Variants in WDR70 observed in about 807,000 individuals in gnomAD.
WDR70 encodes the protein WD repeat-containing protein 70.
Under a neutral mutation model 88.6 loss-of-function variants are expected in WDR70, and 53 were observed. That is an observed-to-expected ratio of 0.60 (90% confidence interval 0.48 to 0.75). WDR70 has a LOEUF of 0.75. WDR70 is among the 30% of genes least tolerant of loss of function. The pLI is 0.00. For synonymous variants in WDR70, 280 were observed against 270.0 expected (o/e 1.04, Z -0.36); for missense variants, 610 against 823.2 (o/e 0.74, Z 3.17).
chr5:37,689,394 C>T (rs542627392), intron 10 of WDR70, among the ~76,000 whole-genome samples: 2 of 152,342 alleles, frequency 1.3e-5, no homozygotes, highest in African/African-American at 4.8e-5. Flanking sequence ...AAGTTGGTTC[C>T]TAACCCCTGT....
intron 5 of WDR70, among the ~76,000 whole-genome samples, chr5:37,418,711 A>G (rs2111984133): frequency 1.3e-5 from 2 of 151,866 alleles, no homozygotes; most frequent in Middle Eastern, 3.4e-3. Context: ...CTTTCTAAAA[A>G]CTTTTTTTCT....
Position 37,705,090 on chromosome 5 carries a change from G to A in WDR70, c.1416+2003G>A, listed in dbSNP as rs1747282974. On this transcript the variant is annotated intron_variant, in intron 13 of 17. Coordinates refer to ENST00000265107, the MANE Select transcript of WDR70 (RefSeq NM_018034.4). ...TAAAGCAGATTTTGGAAGAAAGACA[G>A]TGAATTCTGTTCTTGATATGTTGAG... 2.6e-5 allele frequency among the ~76,000 whole-genome samples: 4 copies of A among 152,306 alleles called. No individual in the cohort carries two copies. The South Asian group carries it at 6.2e-4, about 24-fold the overall frequency.
At chr5:37,733,676 G>A (rs1411917989) in intron 17 of WDR70, among the ~76,000 whole-genome samples, 2 of 16,620 alleles carry the variant, frequency 1.2e-4, no homozygotes, top group Non-Finnish European at 6.7e-4. Context: ...ATTCTTGCAG[G>A]TCTCCATGAC....
At chr5:37,476,017 T>G (rs1739470793) in intron 7 of WDR70, among the ~76,000 whole-genome samples, 1 of 151,888 alleles carries the variant, frequency 6.6e-6, no homozygotes, top group Non-Finnish European at 1.5e-5. Flanking sequence ...AGCTATGTTT[T>G]TTTTTGCATT....
chr5:37,456,127 A>T (rs1252291423), intron 7 of WDR70, among the ~76,000 whole-genome samples: 1 of 152,180 alleles, frequency 6.6e-6, no homozygotes, highest in Non-Finnish European at 1.5e-5. Flanking sequence ...CTAAGTGTGA[A>T]TTGCTTTGTC....
chr5:37,566,478 A>AT (rs975273582), intron 9 of WDR70, among the ~76,000 whole-genome samples: 2 of 151,864 alleles, frequency 1.3e-5, no homozygotes, highest in Non-Finnish European at 2.9e-5. Flanking sequence ...ACTTAATCGT[A>AT]TTTTTTCTTT....
chr5:37,650,660 G>A (rs1201078418), intron 10 of WDR70, among the ~76,000 whole-genome samples: 1 of 152,156 alleles, frequency 6.6e-6, no homozygotes, highest in Non-Finnish European at 1.5e-5. Flanking sequence ...TTGAGAGCAA[G>A]GTATGGAATA....
chr5:37,641,732 T>C (rs932065573), intron 10 of WDR70, among the ~76,000 whole-genome samples: 1 of 152,122 alleles, frequency 6.6e-6, no homozygotes, highest in African/African-American at 2.4e-5. Flanking sequence ...TGCTTTCTTA[T>C]ACTTAGATTT....
intron 9 of WDR70, among the ~76,000 whole-genome samples, chr5:37,559,154 G>A (rs1045082530): frequency 7.9e-5 from 12 of 151,984 alleles, no homozygotes; most frequent in African/African-American, 2.7e-4. Flanking sequence ...GGCTGGTCTC[G>A]AACTCCTGAC....
chr5:37,525,845 C>T (rs1741251034), intron 9 of WDR70, among the ~76,000 whole-genome samples: 2 of 152,190 alleles, frequency 1.3e-5, no homozygotes, highest in Non-Finnish European at 2.9e-5. Flanking sequence ...TCAGAGAATA[C>T]TATAAACACC....
At chr5:37,415,623 C>CA (rs1554137999) in intron 5 of WDR70, among the ~76,000 whole-genome samples, 2 of 149,288 alleles carry the variant, frequency 1.3e-5, no homozygotes, top group Admixed American at 1.3e-4. Flanking sequence ...TGACCCCCCC[C>CA]ACCTCCCTCC....
At chr5:37,411,666 T>A (rs1252736861) in intron 5 of WDR70, among the ~76,000 whole-genome samples, 2 of 151,984 alleles carry the variant, frequency 1.3e-5, no homozygotes, top group African/African-American at 4.8e-5. Flanking sequence ...GTGGAGGTTG[T>A]AGTGAGCTGA....
intron 9 of WDR70, among the ~76,000 whole-genome samples, chr5:37,566,071 T>G (rs1035775496): frequency 6.6e-5 from 10 of 152,132 alleles, no homozygotes; most frequent in African/African-American, 2.4e-4. Context: ...TAGAATAGTT[T>G]CATCTCTCCA....
intron 13 of WDR70, among the ~76,000 whole-genome samples, chr5:37,707,854 C>T (rs1376477773): frequency 2.2e-5 from 3 of 138,956 alleles, no homozygotes; most frequent in East Asian, 2.4e-4. Context: ...GCAGAGGTTG[C>T]GGTGAGCTGA....
At chr5:37,476,900 G>A (rs140471770) in intron 7 of WDR70, among the ~76,000 whole-genome samples, 2 of 152,286 alleles carry the variant, frequency 1.3e-5, no homozygotes, top group African/African-American at 2.4e-5. Context: ...GTAGTGACGC[G>A]ATCATAGCTC....
In WDR70 at chr5:37,396,420, T is replaced by C; in HGVS notation, c.342T>C (p.Asp114=). The C allele has an allele frequency of 1.2e-6, 2 of 1,613,816 alleles. No individual in the cohort carries two copies. The highest frequency in any genetic ancestry group is 2.2e-5 in the East Asian group (1 of 44,864). The change falls in exon 5 of 18, where the codon GAT becomes GAC. Residue 114 remains aspartate (D), a synonymous_variant. Coordinates refer to ENST00000265107, the MANE Select transcript of WDR70 (RefSeq NM_018034.4). ...SESEQSSDSS[D]DELIGPPLPP... is the part of the protein sequence containing the mutation. ...GTGAACAGAGTTCTGACTCTTCTGATGATGAGTTAATTGGCCCTCCTTTAC... is the reference window on the plus strand; with the variant it reads ...GTGAACAGAGTTCTGACTCTTCTGACGATGAGTTAATTGGCCCTCCTTTAC...
At chr5:37,671,441 A>G (rs981623351) in intron 10 of WDR70, among the ~76,000 whole-genome samples, 3 of 152,174 alleles carry the variant, frequency 2.0e-5, no homozygotes, top group African/African-American at 4.8e-5. Context: ...GTTGCAAGGC[A>G]TATTATTTTA....
chr5:37,621,811 T>C (rs1344772814), intron 10 of WDR70, among the ~76,000 whole-genome samples: 2 of 152,226 alleles, frequency 1.3e-5, no homozygotes, highest in Non-Finnish European at 2.9e-5. Context: ...CCCATGCCTA[T>C]GTCCTGAATG....
At chr5:37,467,148 A>C (rs907941820) in intron 7 of WDR70, among the ~76,000 whole-genome samples, 1 of 148,860 alleles carries the variant, frequency 6.7e-6, no homozygotes, top group Non-Finnish European at 1.5e-5. Context: ...AATTGCTTGA[A>C]CCTGGGAGGC....
Sources: allele counts gnomAD v4.1 joint callset (sites outside exome capture counted in the v4.1 genomes callset), GRCh38; gene constraint gnomAD v4.1.1; transcripts MANE v1.5; gene names NCBI Gene and HGNC (gene_info 2026-07-23, HGNC 2026-07-21).